USP42: variants seen among roughly 807,000 people sequenced by gnomAD.
USP42 encodes the protein ubiquitin specific peptidase 42.
USP42 carries 23 observed loss-of-function variants against 113.0 expected under a neutral mutation model. The observed-to-expected ratio is 0.20, with a 90% CI of 0.15 to 0.29. The LOEUF (loss-of-function observed/expected upper bound fraction) is 0.29, where lower values mean the gene tolerates loss of function less well. Among genes scored for constraint, USP42 ranks in the 10% least tolerant of loss-of-function variants. USP42 has a pLI of 1.00. For missense variants in USP42, 2,174 were observed against 1,779.8 expected (o/e 1.22, Z -3.99); for synonymous variants, 933 against 699.0 (o/e 1.33, Z -5.28).
At chr7:6,136,020 T>TC (rs1781124979) in intron 4 of USP42, 69 bp downstream of exon 4, 4 of 989,342 alleles carry the variant, frequency 4.0e-6, no homozygotes, top group Non-Finnish European at 4.3e-6. Flanking sequence ...TTTTTTTTTT[T>TC]TCGAGACAGA....
At chr7:6,105,223 G>A (rs1397767314) in intron 1 of USP42, among the ~76,000 whole-genome samples, 191 bp downstream of exon 1, 2 of 145,584 alleles carry the variant, frequency 1.4e-5, no homozygotes. Flanking sequence ...GGGGGCTGCG[G>A]CGCCACCGCC....
chr7:6,113,590 T>A (rs1225620197), intron 2 of USP42, among the ~76,000 whole-genome samples: 1 of 152,166 alleles, frequency 6.6e-6, no homozygotes, highest in Non-Finnish European at 1.5e-5. Flanking sequence ...TGATTCTACA[T>A]GGCATCTCAG....
At chr7:6,107,673 T>G (rs1764360699) in intron 1 of USP42, among the ~76,000 whole-genome samples, 1 of 152,132 alleles carries the variant, frequency 6.6e-6, no homozygotes, top group African/African-American at 2.4e-5. Context: ...CCTCCCAAAG[T>G]GCTGGGATTA....
chr7:6,150,967 C>T (rs1782013008), intron 14 of USP42, among the ~76,000 whole-genome samples: 1 of 152,262 alleles, frequency 6.6e-6, no homozygotes, highest in Non-Finnish European at 1.5e-5. Context: ...GCCAGCACCA[C>T]AGTGTGTCAC....
chr7:6,153,642 A>T (rs1782201405), intron 14 of USP42, 114 bp from the exon 15 acceptor site: 1 of 1,277,746 alleles, frequency 7.8e-7, no homozygotes. Context: ...ATAATAATAA[A>T]ATAAAGAGAC....
intron 1 of USP42, among the ~76,000 whole-genome samples, chr7:6,107,567 G>T (rs1303060946): frequency 1.3e-5 from 2 of 151,798 alleles, no homozygotes; most frequent in Non-Finnish European, 2.9e-5. Context: ...GCGCCACCAC[G>T]CCTGGCTAAT....
chr7:6,145,286 G>A (rs1368003935), intron 9 of USP42, among the ~76,000 whole-genome samples: 2 of 151,376 alleles, frequency 1.3e-5, no homozygotes, highest in Non-Finnish European at 2.9e-5. Flanking sequence ...AGCTGAGATC[G>A]TGTCACTGCA....
intron 1 of USP42, among the ~76,000 whole-genome samples, chr7:6,105,579 T>G (rs1308910743): frequency 4.6e-5 from 7 of 151,478 alleles, no homozygotes; most frequent in Non-Finnish European, 8.8e-5. Flanking sequence ...TTTCCCACCT[T>G]GGGCGCCCCC....
chr7:6,122,476 G>A (rs1290166824), intron 3 of USP42, among the ~76,000 whole-genome samples: 1 of 151,520 alleles, frequency 6.6e-6, no homozygotes, highest in South Asian at 2.1e-4. Context: ...TTGTTTGTTT[G>A]TTTGTTTGTT....
At chr7:6,151,062 A>T (rs764381276) in intron 14 of USP42, among the ~76,000 whole-genome samples, 4 of 152,214 alleles carry the variant, frequency 2.6e-5, no homozygotes, top group Non-Finnish European at 5.9e-5. Context: ...GGCAGCTGTA[A>T]TACAGTGGTA....
chr7:6,082,699 C>G, the USP42 span, among the ~76,000 whole-genome samples: 1 of 141,860 alleles, frequency 7.0e-6, no homozygotes, highest in South Asian at 2.2e-4. Flanking sequence ...CAACATCTGC[C>G]TCCCAGGTTC....
chr7:6,146,509 A>C (rs969000847), intron 11 of USP42, among the ~76,000 whole-genome samples: 1 of 151,966 alleles, frequency 6.6e-6, no homozygotes, highest in Non-Finnish European at 1.5e-5. Flanking sequence ...ACAAAATACG[A>C]AAAAATTAGC....
At chr7:6,156,694 G>C in intron 15 of USP42, 60 bp from the exon 16 acceptor site, 1 of 1,474,438 alleles carries the variant, frequency 6.8e-7, no homozygotes, top group Non-Finnish European at 9.0e-7. Context: ...CCAAGCTCCA[G>C]GGTCTGCTGC....
chr7:6,149,753 A>T lies in USP42; in HGVS notation c.1557A>T (p.Lys519Asn). 1 of 1,613,958 alleles carries T rather than the reference A, an allele frequency of 6.2e-7. No homozygotes were observed. Among genetic ancestry groups the T allele is most frequent in the Non-Finnish European group, 8.5e-7 (1 of 1,179,876 alleles). Residue 519 changes from lysine (K) to asparagine (N), a missense_variant, in exon 13 of 18, where the codon AAA (lysine) becomes AAT (asparagine). Coordinates refer to ENST00000306177, the MANE Select transcript of USP42 (RefSeq NM_032172.3). ...CAGTGATCCCAGAACATCCTAAGAA[A>T]CAAAAAATTACAATCAGTATTCACA... is the stretch of plus-strand genomic sequence containing the variant. ...RSSVIPEHPK[K>N]QKITISIHNK...
chr7:6,150,894 A>G (rs1367175547), intron 14 of USP42, among the ~76,000 whole-genome samples: 1 of 152,146 alleles, frequency 6.6e-6, no homozygotes, highest in Non-Finnish European at 1.5e-5. Context: ...ACATACAGAC[A>G]TCCGTCCGTC....
At chr7:6,103,109 ATGG>A (rs1790179836), upstream of USP42, among the ~76,000 whole-genome samples, 6 of 150,982 alleles carry the variant, frequency 4.0e-5, no homozygotes, top group Admixed American at 3.9e-4. Context: ...AAGCAGGCTC[ATGG>A]TGGAGGGGAG....
chr7:6,154,979 G>A lies in USP42; in HGVS notation c.3425G>A (p.Gly1142Glu), dbSNP rs1264161943. 1 of 1,562,820 alleles carries A rather than the reference G, an allele frequency of 6.4e-7. No individual in the cohort carries two copies. Among genetic ancestry groups the A allele is most frequent in the Admixed American group, 1.9e-5 (1 of 52,212 alleles). Residue 1142 changes from glycine (G) to glutamate (E), a missense_variant, in exon 15 of 18, where the codon GGA becomes GAA. By Grantham distance (98) the Gly-to-Glu change is moderately conservative. Transcript: ENST00000306177. ...FSHDRTALVAGDNCNLSDRFH... is the reference protein window; with the variant it reads ...FSHDRTALVAEDNCNLSDRFH... ...CACGACAGAACTGCACTTGTAGCCG[G>A]AGACAACTGTAACCTCTCTGATCGG...
chr7:6,143,173 T>A (rs1207614602), intron 8 of USP42, among the ~76,000 whole-genome samples, 159 bp downstream of exon 8: 1 of 151,810 alleles, frequency 6.6e-6, no homozygotes, highest in Non-Finnish European at 1.5e-5. Context: ...GAGCCCGGAG[T>A]GTCTTGATGT....
chr7:6,110,856 G>A (rs1779561159), intron 1 of USP42, among the ~76,000 whole-genome samples: 1 of 152,186 alleles, frequency 6.6e-6, no homozygotes, highest in South Asian at 2.1e-4. Flanking sequence ...CTTTTAGGGG[G>A]CATGAAATGA....
Sources: allele counts gnomAD v4.1 joint callset (sites outside exome capture counted in the v4.1 genomes callset), GRCh38; gene constraint gnomAD v4.1.1; transcripts MANE v1.5; gene names NCBI Gene and HGNC (gene_info 2026-07-23, HGNC 2026-07-21).